The following PCDHA10 variants were observed in gnomAD, a reference collection of about 807,000 sequenced individuals.
PCDHA10 encodes protocadherin alpha 10, also known as protocadherin alpha-10.
A neutral mutation model predicts 61.2 loss-of-function variants in PCDHA10; 45 were observed. The observed-to-expected ratio is 0.74, with a 90% confidence interval of 0.58 to 0.94. PCDHA10 has a LOEUF of 0.94. Among genes scored for constraint, PCDHA10 ranks in the 40% least tolerant of loss-of-function variants. PCDHA10 has a pLI of 0.00. For synonymous variants in PCDHA10, 602 were observed against 548.8 expected (o/e 1.10, Z -1.35); for missense variants, 1,278 against 1,236.2 (o/e 1.03, Z -0.51).
chr5:140,949,880 A>G (rs1448161802), intron 1 of PCDHA10, among the ~76,000 whole-genome samples: 1 of 151,692 alleles, frequency 6.6e-6, no homozygotes, highest in African/African-American at 2.4e-5. Flanking sequence ...TTATTTGGGT[A>G]TTCCTCAGAA....
chr5:140,899,268 C>T (rs2067238736), intron 1 of PCDHA10, among the ~76,000 whole-genome samples: 1 of 152,078 alleles, frequency 6.6e-6, no homozygotes, highest in Non-Finnish European at 1.5e-5. Context: ...TGTCTTGTGG[C>T]AGTTTTCAAA....
In PCDHA10 at chr5:141,010,121, T is replaced by C; in HGVS notation, c.*184T>C. The C allele has an allele frequency of 1.2e-6, 2 of 1,606,996 alleles. No homozygotes were observed. The highest frequency in any genetic ancestry group is 1.7e-6 in the Non-Finnish European group (2 of 1,176,140). On this transcript the variant is annotated 3_prime_UTR_variant, in exon 4 of 4. Transcript: ENST00000307360. ...ACAGGTTTTGTCGTAAAAGCTTTAC[T>C]AAGTCTGGTGTTAACTCTTTCTCTC... is the stretch of plus-strand genomic sequence containing the variant.
intron 1 of PCDHA10, chr5:140,867,901 G>A (rs1554161610): frequency 1.3e-5 from 2 of 152,058 alleles, no homozygotes; most frequent in African/African-American, 4.8e-5. Flanking sequence ...GGTACTTACA[G>A]AAGGTATAAT....
chr5:140,875,388 G>A, intron 1 of PCDHA10: 5 of 1,468,696 alleles, frequency 3.4e-6, no homozygotes, highest in Non-Finnish European at 4.5e-6. Flanking sequence ...TGTACTTACA[G>A]AAAAGGGTGA....
chr5:140,958,911 G>C (rs1458386566), intron 1 of PCDHA10, among the ~76,000 whole-genome samples: 3 of 151,406 alleles, frequency 2.0e-5, no homozygotes, highest in African/African-American at 7.3e-5. Flanking sequence ...AGAAAAGTCT[G>C]CCTGGGTGTG....
At chr5:140,871,082 C>G in intron 1 of PCDHA10, 1 of 1,613,246 alleles carries the variant, frequency 6.2e-7, no homozygotes, top group South Asian at 1.1e-5. Context: ...GCGCTGACGG[C>G]CACGGCCACC....
intron 1 of PCDHA10, among the ~76,000 whole-genome samples, chr5:140,913,241 T>C (rs1325092057): frequency 6.6e-6 from 1 of 152,226 alleles, no homozygotes; most frequent in African/African-American, 2.4e-5. Context: ...GGGAGACTTT[T>C]TGTTACAACT....
intron 1 of PCDHA10, chr5:140,870,574 T>C (rs1429082420): frequency 6.2e-7 from 1 of 1,613,934 alleles, no homozygotes; most frequent in Non-Finnish European, 8.5e-7. Flanking sequence ...GCTGGTGTCC[T>C]ACTCGCTGGT....
chr5:140,964,857 CAA>C (rs1352009406), intron 1 of PCDHA10, among the ~76,000 whole-genome samples: 5 of 152,088 alleles, frequency 3.3e-5, no homozygotes, highest in Admixed American at 3.3e-4. Context: ...CTTGAGGAAA[CAA>C]AGAGGACAAA....
At chr5:140,871,677 T>C in intron 1 of PCDHA10, 1 of 1,122,130 alleles carries the variant, frequency 8.9e-7, no homozygotes, top group Non-Finnish European at 1.2e-6. Flanking sequence ...TTTAATCATA[T>C]GAATAATCTG....
intron 1 of PCDHA10, among the ~76,000 whole-genome samples, chr5:140,908,608 G>T (rs1350424326): frequency 6.6e-6 from 1 of 152,182 alleles, no homozygotes; most frequent in African/African-American, 2.4e-5. Flanking sequence ...GAAGGGCCTT[G>T]CTCCAAAATC....
chr5:140,984,458 C>T (rs1363789281), intron 3 of PCDHA10, among the ~76,000 whole-genome samples: 2 of 152,140 alleles, frequency 1.3e-5, no homozygotes, highest in African/African-American at 4.8e-5. Flanking sequence ...CTTACTGTCC[C>T]AGCCCCTCTT....
intron 1 of PCDHA10, among the ~76,000 whole-genome samples, chr5:140,886,254 CTA>C (rs1304679943): frequency 6.6e-6 from 1 of 151,720 alleles, no homozygotes; most frequent in Non-Finnish European, 1.5e-5. Flanking sequence ...AAAAGTATCT[CTA>C]TTTATAGATA....
At chr5:140,957,080 A>G (rs2095331610) in intron 1 of PCDHA10, among the ~76,000 whole-genome samples, 1 of 152,174 alleles carries the variant, frequency 6.6e-6, no homozygotes. Flanking sequence ...CTTTTTATTA[A>G]GGAAAATGAA....
intron 1 of PCDHA10, among the ~76,000 whole-genome samples, chr5:140,960,218 A>G (rs2095532618): frequency 6.6e-6 from 1 of 152,206 alleles, no homozygotes; most frequent in Non-Finnish European, 1.5e-5. Flanking sequence ...CAGGATCTCA[A>G]GAAACAGAGC....
chr5:141,001,913 C>T (rs545106723), intron 3 of PCDHA10, among the ~76,000 whole-genome samples: 2 of 152,296 alleles, frequency 1.3e-5, no homozygotes, highest in South Asian at 2.1e-4. Flanking sequence ...AAAAAGACTG[C>T]AGTGGCTGAC....
chr5:140,892,417 G>A lies in PCDHA10; in HGVS notation c.2388+33981G>A, dbSNP rs78605430. 5.2e-3 allele frequency among the ~76,000 whole-genome samples: 785 copies of A among 152,216 alleles called. 8 individuals are homozygous for A. Among genetic ancestry groups the A allele is most frequent in the Non-Finnish European group, 8.7e-3 (594 of 68,002 alleles). ...TCTATTTCAAGCTTCAGGTATTCTA[G>A]ATAAAACCTCATTATCTAAAATTTA... On this transcript the variant is annotated intron_variant, in intron 1 of 3. Transcript: ENST00000307360.
chr5:140,893,249 T>A (rs1317089236), intron 1 of PCDHA10, among the ~76,000 whole-genome samples: 2 of 152,220 alleles, frequency 1.3e-5, no homozygotes, highest in African/African-American at 4.8e-5. Context: ...TTTCCTTTTC[T>A]TTGGATAAAT....
chr5:140,909,380 C>T (rs1247939021), intron 1 of PCDHA10, among the ~76,000 whole-genome samples: 2 of 152,194 alleles, frequency 1.3e-5, no homozygotes, highest in East Asian at 1.9e-4. Context: ...AATGAAACCA[C>T]ATCTAGTACA....
Sources: gnomAD v4.1 joint callset for allele counts (sites outside exome capture counted in the v4.1 genomes callset) on GRCh38, gnomAD v4.1.1 for gene constraint, MANE v1.5 for transcripts, NCBI Gene and HGNC (gene_info 2026-07-23, HGNC 2026-07-21) for gene names.